ROR2: variants seen among roughly 807,000 people sequenced by gnomAD.
The protein encoded by ROR2 is tyrosine-protein kinase transmembrane receptor ROR2.
In ROR2, 33 loss-of-function variants were observed where a neutral mutation model predicts 74.9. That is an observed-to-expected ratio of 0.44 (90% CI 0.33 to 0.59). ROR2 has a LOEUF of 0.59. Ranked by LOEUF, ROR2 falls within the 20% of genes least tolerant of loss-of-function variation. The pLI, the probability that ROR2 is intolerant of heterozygous loss-of-function variation, is 0.02. For synonymous variants in ROR2, 586 were observed against 558.7 expected (o/e 1.05, Z -0.69); for missense variants, 1,216 against 1,313.8 (o/e 0.93, Z 1.15).
intron 2 of ROR2, among the ~76,000 whole-genome samples, chr9:91,761,071 CAT>C (rs1491588723): frequency 6.6e-6 from 1 of 152,206 alleles, no homozygotes; most frequent in African/African-American, 2.4e-5. Context: ...TAAAGCAACA[CAT>C]ATCTTTCATC....
chr9:91,786,374 A>G (rs1300232631), intron 1 of ROR2, among the ~76,000 whole-genome samples: 3 of 144,044 alleles, frequency 2.1e-5, no homozygotes, highest in African/African-American at 7.4e-5. Flanking sequence ...AAATAAATAA[A>G]TAAATAAATG....
chr9:91,806,868 C>G (rs530733778), intron 1 of ROR2, among the ~76,000 whole-genome samples: 2 of 152,208 alleles, frequency 1.3e-5, no homozygotes, highest in Admixed American at 6.5e-5. Context: ...GGATTACAGG[C>G]ATAAGCCATC....
intron 1 of ROR2, among the ~76,000 whole-genome samples, chr9:91,925,014 T>TTTA (rs1170118733): frequency 3.3e-5 from 5 of 151,834 alleles, no homozygotes; most frequent in Non-Finnish European, 4.4e-5. Context: ...CTGGCTATTT[T>TTTA]TTATTATTAT....
At chr9:91,732,592 C>T (rs1837284499) in intron 6 of ROR2, among the ~76,000 whole-genome samples, 2 of 152,228 alleles carry the variant, frequency 1.3e-5, no homozygotes, top group Admixed American at 1.3e-4. Context: ...CCTCCCAGGC[C>T]AGTCCTGCAG....
At chr9:91,897,971 G>T (rs1261783387) in intron 1 of ROR2, among the ~76,000 whole-genome samples, 1 of 152,094 alleles carries the variant, frequency 6.6e-6, no homozygotes, top group Non-Finnish European at 1.5e-5. Context: ...TGAAGAGGAA[G>T]GGAGAAGGAG....
chr9:91,789,173 A>T (rs537975512), intron 1 of ROR2, among the ~76,000 whole-genome samples: 2 of 152,358 alleles, frequency 1.3e-5, no homozygotes, highest in African/African-American at 4.8e-5. Context: ...TTTGATTATT[A>T]TACAATGCAT....
chr9:91,936,330 G>C (rs1447459227), intron 1 of ROR2, among the ~76,000 whole-genome samples: 1 of 152,190 alleles, frequency 6.6e-6, no homozygotes, highest in East Asian at 1.9e-4. Flanking sequence ...GGCAGGGTTG[G>C]CTCCTTCTGA....
intron 1 of ROR2, among the ~76,000 whole-genome samples, chr9:91,844,231 G>A (rs1368850488): frequency 6.6e-6 from 1 of 152,154 alleles, no homozygotes; most frequent in Admixed American, 6.5e-5. Context: ...GCTGCCTGGT[G>A]GCTAGACTTC....
intron 1 of ROR2, among the ~76,000 whole-genome samples, chr9:91,866,868 A>G (rs898735946): frequency 3.9e-5 from 6 of 152,212 alleles, no homozygotes; most frequent in African/African-American, 1.2e-4. Flanking sequence ...TAGTAATTTA[A>G]TAACCCAATT....
chr9:91,844,885 G>A (rs539910648), intron 1 of ROR2, among the ~76,000 whole-genome samples: 23 of 152,304 alleles, frequency 1.5e-4, no homozygotes, highest in South Asian at 2.1e-4. Context: ...AAGGCGGGGC[G>A]GGGGGAAGGG....
At chr9:91,871,625 T>C (rs1829800227) in intron 1 of ROR2, among the ~76,000 whole-genome samples, 1 of 152,198 alleles carries the variant, frequency 6.6e-6, no homozygotes. Flanking sequence ...CCCACTCTCC[T>C]GAATCAGAGT....
At chr9:91,799,816 T>A (rs954207464) in intron 1 of ROR2, among the ~76,000 whole-genome samples, 1 of 152,112 alleles carries the variant, frequency 6.6e-6, no homozygotes, top group Non-Finnish European at 1.5e-5. Context: ...CCAGCAATGC[T>A]CCTGGCCCAC....
chr9:91,729,756 C>T (rs920821194), intron 7 of ROR2, among the ~76,000 whole-genome samples: 9 of 152,162 alleles, frequency 5.9e-5, no homozygotes, highest in Non-Finnish European at 1.3e-4. Context: ...TCGAAGCTGT[C>T]AACCATCAGC....
chr9:91,724,606 T>C lies in ROR2; in HGVS notation c.1888A>G (p.Lys630Glu). The change falls in exon 9 of 9, where the codon AAG (lysine) becomes GAG (glutamate). Residue 630 changes from lysine to glutamate, a missense_variant. Transcript: ENST00000375708. ...NVLVYDKLNV[K>E]ISDLGLFREV... is the part of the protein sequence containing the mutation. ...CGGAAGAGGCCCAAGTCTGAGATCT[T>C]CACGTTCAGCTTGTCGTACACTAGC... The C allele has an allele frequency of 6.2e-7, 1 of 1,613,814 alleles. No homozygotes were observed. The highest frequency in any genetic ancestry group is 8.5e-7 in the Non-Finnish European group (1 of 1,179,906).
At chr9:91,789,846 T>C (rs988498727) in intron 1 of ROR2, among the ~76,000 whole-genome samples, 31 of 152,156 alleles carry the variant, frequency 2.0e-4, no homozygotes, top group African/African-American at 7.0e-4. Context: ...GTAAGTTAAA[T>C]GTAAGTGGGT....
chr9:91,732,279 C>A (rs9409456), intron 6 of ROR2, among the ~76,000 whole-genome samples: 64,613 of 152,078 alleles, frequency 0.42, 14,455 homozygotes, highest in Non-Finnish European at 0.49. Flanking sequence ...ATAAGCAGCG[C>A]TCCCTGTCCT....
chr9:91,941,357 A>C (rs992081801), intron 1 of ROR2, among the ~76,000 whole-genome samples: 5 of 152,136 alleles, frequency 3.3e-5, no homozygotes, highest in Non-Finnish European at 5.9e-5. Context: ...TGGTGCATGA[A>C]ACTTCCCTCT....
At chr9:91,771,097 CT>C (rs1392830218) in intron 2 of ROR2, among the ~76,000 whole-genome samples, 3 of 152,208 alleles carry the variant, frequency 2.0e-5, no homozygotes, top group African/African-American at 7.2e-5. Flanking sequence ...TTTCACTACC[CT>C]GTTATTTAGA....
At chr9:91,855,396 G>A (rs1350537217) in intron 1 of ROR2, among the ~76,000 whole-genome samples, 1 of 152,248 alleles carries the variant, frequency 6.6e-6, no homozygotes, top group Non-Finnish European at 1.5e-5. Context: ...ACGGCGTTCG[G>A]CCCTCCCGCC....
Sources: gnomAD v4.1 joint callset for allele counts (sites outside exome capture counted in the v4.1 genomes callset) on GRCh38, gnomAD v4.1.1 for gene constraint, MANE v1.5 for transcripts, NCBI Gene and HGNC (gene_info 2026-07-23, HGNC 2026-07-21) for gene names.